The following FOXP1 variants were observed in gnomAD, a reference collection of about 807,000 sequenced individuals.
FOXP1 encodes the protein forkhead box protein P1.
A neutral mutation model predicts 98.2 loss-of-function variants in FOXP1; 15 were observed. That is an observed-to-expected ratio of 0.15 (90% CI 0.10 to 0.24). FOXP1 has a LOEUF of 0.24. FOXP1 is among the 10% of genes least tolerant of loss of function. The probability of loss-of-function intolerance (pLI) is 1.00; values close to 1 mark genes in which losing one functional copy is unlikely to be tolerated. For missense variants in FOXP1, 633 were observed against 848.5 expected (o/e 0.75, Z 3.15); for synonymous variants, 371 against 314.5 (o/e 1.18, Z -1.90).
chr3:71,552,976 G>C (rs2045882129), intron 2 of FOXP1, among the ~76,000 whole-genome samples: 1 of 151,930 alleles, frequency 6.6e-6, no homozygotes, highest in African/African-American at 2.4e-5. Context: ...AAAAATGTCA[G>C]TCTTTATTAT....
intron 6 of FOXP1, among the ~76,000 whole-genome samples, chr3:71,147,666 A>C (rs2060374848): frequency 6.6e-6 from 1 of 152,214 alleles, no homozygotes; most frequent in East Asian, 1.9e-4. Context: ...AAAATTTTCT[A>C]GTCAGGTTCA....
At position 71,008,964 on chromosome 3, in the gene FOXP1, T is replaced by C. The variant is rs950102321; in HGVS notation, c.974+6585A>G. Among the ~76,000 whole-genome samples, 3 of 151,868 alleles carry C rather than the reference T, an allele frequency of 2.0e-5. No individual in the cohort carries two copies. In the East Asian group the frequency reaches 5.8e-4, roughly 29 times the overall value. ...AGTGGCACAGTATTGACAGATGGGA[T>C]TTTTATCCTGAAGAACCAAGCTTGG... is the stretch of plus-strand genomic sequence containing the variant. On this transcript the variant is annotated intron_variant, in intron 12 of 20. Transcript: ENST00000649528.
intron 4 of FOXP1, among the ~76,000 whole-genome samples, chr3:71,303,617 T>C (rs935238514): frequency 2.6e-5 from 4 of 152,168 alleles, no homozygotes; most frequent in African/African-American, 9.7e-5. Flanking sequence ...TATTTGACTA[T>C]TGAAAAATAT....
chr3:70,972,325 C>T, intron 18 of FOXP1: 4 of 888,688 alleles, frequency 4.5e-6, no homozygotes, highest in Non-Finnish European at 6.8e-6. Flanking sequence ...GGTTAATATG[C>T]ATTGCCACCT....
chr3:70,975,548 T>C (rs1258224797), intron 17 of FOXP1, among the ~76,000 whole-genome samples: 1 of 152,240 alleles, frequency 6.6e-6, no homozygotes, highest in Non-Finnish European at 1.5e-5. Context: ...TTTTCTCCGG[T>C]ATAAAATTAA....
intron 5 of FOXP1, among the ~76,000 whole-genome samples, chr3:71,283,508 C>T (rs937728746): frequency 5.3e-5 from 8 of 152,300 alleles, no homozygotes; most frequent in South Asian, 2.1e-4. Context: ...ACCTACATGA[C>T]GGTGTGTCCT....
At chr3:71,394,711 T>C (rs1229226913) in intron 3 of FOXP1, among the ~76,000 whole-genome samples, 1 of 152,160 alleles carries the variant, frequency 6.6e-6, no homozygotes. Flanking sequence ...GATGGATGAC[T>C]CTGGAAAAAC....
intron 2 of FOXP1, among the ~76,000 whole-genome samples, chr3:71,554,024 C>T (rs1461038180): frequency 6.6e-6 from 1 of 151,992 alleles, no homozygotes; most frequent in Non-Finnish European, 1.5e-5. Flanking sequence ...CTAGTAAAAC[C>T]AGTTTTTACC....
intron 5 of FOXP1, among the ~76,000 whole-genome samples, chr3:71,250,370 G>A (rs2068088304): frequency 6.6e-6 from 1 of 152,210 alleles, no homozygotes; most frequent in African/African-American, 2.4e-5. Context: ...ATAGCCACAT[G>A]AGGCTCCTGA....
At chr3:71,348,510 TGTGTGTGTGTGC>T (rs1434173891) in intron 4 of FOXP1, among the ~76,000 whole-genome samples, 1,602 of 54,580 alleles carry the variant, frequency 0.029, 24 homozygotes, top group East Asian at 0.1. Context: ...GTGTTCAGTG[TGTGTGTGTGTGC>T]GTGTGTGTGT....
intron 14 of FOXP1, among the ~76,000 whole-genome samples, chr3:70,979,148 G>A (rs1049223403): frequency 2.0e-5 from 3 of 151,298 alleles, no homozygotes; most frequent in Admixed American, 6.6e-5. Flanking sequence ...CATGTGTGGT[G>A]GCACATGCCT....
intron 3 of FOXP1, among the ~76,000 whole-genome samples, chr3:71,406,209 A>T (rs1233914575): frequency 6.6e-6 from 1 of 151,888 alleles, no homozygotes; most frequent in Non-Finnish European, 1.5e-5. Context: ...CTTATCTTAC[A>T]GTTCTGGAGA....
intron 2 of FOXP1, among the ~76,000 whole-genome samples, chr3:71,562,729 C>T (rs1311831962): frequency 6.6e-6 from 1 of 152,180 alleles, no homozygotes; most frequent in Admixed American, 6.5e-5. Flanking sequence ...AGGCTCAGTT[C>T]TATTTTGTCT....
chr3:71,562,413 G>A (rs551026224), intron 2 of FOXP1, among the ~76,000 whole-genome samples: 36 of 152,296 alleles, frequency 2.4e-4, no homozygotes, highest in African/African-American at 5.3e-4. Flanking sequence ...AGGGTCATGC[G>A]GCTTGTCAGT....
At chr3:71,251,287 C>T (rs1333097283) in intron 5 of FOXP1, among the ~76,000 whole-genome samples, 1 of 152,186 alleles carries the variant, frequency 6.6e-6, no homozygotes, top group African/African-American at 2.4e-5. Flanking sequence ...CATTTGGAAA[C>T]GAGAGTAACA....
chr3:71,543,826 G>A (rs777246613), intron 2 of FOXP1, among the ~76,000 whole-genome samples: 1 of 152,210 alleles, frequency 6.6e-6, no homozygotes, highest in African/African-American at 2.4e-5. Flanking sequence ...AACTAACAAA[G>A]AAAGTGACAG....
At chr3:71,558,092 A>C (rs936413218) in intron 2 of FOXP1, among the ~76,000 whole-genome samples, 3 of 152,184 alleles carry the variant, frequency 2.0e-5, no homozygotes, top group African/African-American at 7.2e-5. Context: ...CACCACACCC[A>C]GCAAACCTGT....
chr3:71,182,966 T>C (rs1450219735), intron 6 of FOXP1, among the ~76,000 whole-genome samples: 1 of 152,148 alleles, frequency 6.6e-6, no homozygotes, highest in East Asian at 1.9e-4. Flanking sequence ...TTTAAAGTAA[T>C]TAAATGTTCT....
intron 3 of FOXP1, among the ~76,000 whole-genome samples, chr3:71,475,307 A>G (rs2089730330): frequency 1.3e-5 from 2 of 152,208 alleles, no homozygotes; most frequent in Admixed American, 1.3e-4. Flanking sequence ...GCTCAGTGGA[A>G]GAAGGAGCAA....
Sources: gnomAD v4.1 joint callset for allele counts (sites outside exome capture counted in the v4.1 genomes callset) on GRCh38, gnomAD v4.1.1 for gene constraint, MANE v1.5 for transcripts, NCBI Gene and HGNC (gene_info 2026-07-23, HGNC 2026-07-21) for gene names.